RYR3: variants seen among roughly 807,000 people sequenced by gnomAD.
RYR3 encodes the protein brain ryanodine receptor-calcium release channel.
RYR3 carries 207 observed loss-of-function variants against 584.3 expected under a neutral mutation model. The observed-to-expected ratio is 0.35, with a 90% CI of 0.32 to 0.40. The LOEUF (loss-of-function observed/expected upper bound fraction) is 0.40. Among genes scored for constraint, RYR3 ranks in the 10% least tolerant of loss-of-function variants. The pLI is 1.00. For synonymous variants in RYR3, 2,416 were observed against 2,248.5 expected (o/e 1.07, Z -2.11); for missense variants, 5,616 against 6,089.2 (o/e 0.92, Z 2.59).
rs369381437 is a variant in RYR3, at chr15:33,708,566, C to T, written c.6619+1512C>T. ...ATTTTATATCTTTTCAATATATTTT[C>T]TGCACTACAATTCTATAATGCAACA... On this transcript the variant is annotated intron_variant, in intron 43 of 103. Coordinates refer to ENST00000634891, the MANE Select transcript of RYR3 (RefSeq NM_001036.6). 9.2e-5 allele frequency among the ~76,000 whole-genome samples: 14 copies of T among 152,296 alleles called. No homozygotes were observed. The East Asian group carries it at 2.5e-3, about 27-fold the overall frequency.
intron 3 of RYR3, among the ~76,000 whole-genome samples, chr15:33,528,606 CAT>C (rs2054591011): frequency 6.6e-6 from 1 of 152,176 alleles, no homozygotes; most frequent in South Asian, 2.1e-4. Context: ...CAGTATAGCA[CAT>C]AGTTAAGTGC....
chr15:33,597,680 TTAAA>T (rs1164085557), intron 16 of RYR3, among the ~76,000 whole-genome samples: 5 of 152,098 alleles, frequency 3.3e-5, no homozygotes, highest in African/African-American at 2.4e-5. Context: ...TATTTAGTCT[TTAAA>T]TAGGAACTTT....
At chr15:33,512,814 C>G (rs909209023) in intron 3 of RYR3, among the ~76,000 whole-genome samples, 2 of 152,132 alleles carry the variant, frequency 1.3e-5, no homozygotes, top group Non-Finnish European at 2.9e-5. Flanking sequence ...AAAATGTAAA[C>G]ATCTTCATGA....
intron 93 of RYR3, 63 bp from the exon 94 acceptor site, chr15:33,848,228 C>A (rs943031758): frequency 9.4e-6 from 15 of 1,598,080 alleles, no homozygotes; most frequent in African/African-American, 1.3e-5. Context: ...GTGACAAATA[C>A]CTGGGAGCAG....
intron 19 of RYR3, 75 bp downstream of exon 19, chr15:33,613,450 A>G: frequency 7.0e-7 from 1 of 1,433,980 alleles, no homozygotes; most frequent in Non-Finnish European, 9.4e-7. Context: ...CTGCGAAGCC[A>G]GCAGTCTCCT....
At chr15:33,483,851 C>T (rs563816740) in intron 2 of RYR3, among the ~76,000 whole-genome samples, 1 of 152,286 alleles carries the variant, frequency 6.6e-6, no homozygotes, top group South Asian at 2.1e-4. Context: ...TAGCCCCATA[C>T]TCAGGTCTCT....
intron 1 of RYR3, among the ~76,000 whole-genome samples, chr15:33,392,696 T>C (rs1595950150): frequency 6.6e-6 from 1 of 151,678 alleles, no homozygotes; most frequent in South Asian, 2.1e-4. Context: ...ACACAGAGAG[T>C]AGAAAATGCT....
intron 69 of RYR3, 91 bp downstream of exon 69, chr15:33,802,052 G>C (rs574414658): frequency 7.1e-6 from 6 of 841,308 alleles, no homozygotes; most frequent in Non-Finnish European, 1.3e-5. Context: ...GATTAACACC[G>C]TACTGCATTT....
chr15:33,641,429 A>G (rs1432143142), intron 27 of RYR3, among the ~76,000 whole-genome samples: 1 of 152,200 alleles, frequency 6.6e-6, no homozygotes, highest in Non-Finnish European at 1.5e-5. Flanking sequence ...TTATCATTCC[A>G]TGGTTGTTCC....
intron 1 of RYR3, among the ~76,000 whole-genome samples, chr15:33,369,719 A>G (rs150905475): frequency 6.6e-6 from 1 of 152,280 alleles, no homozygotes; most frequent in African/African-American, 2.4e-5. Context: ...TTTTTTCTGA[A>G]TATGAGACAC....
chr15:33,446,554 G>A (rs1174200154), intron 1 of RYR3, among the ~76,000 whole-genome samples: 1 of 152,202 alleles, frequency 6.6e-6, no homozygotes, highest in African/African-American at 2.4e-5. Flanking sequence ...GTCTTCACAT[G>A]GTCGGCCCTC....
chr15:33,411,506 A>G (rs766081052), intron 1 of RYR3, among the ~76,000 whole-genome samples: 4 of 152,222 alleles, frequency 2.6e-5, no homozygotes, highest in Non-Finnish European at 5.9e-5. Context: ...TTCAGATGGG[A>G]TGCACACGGT....
chr15:33,647,988 CAAAAAAAAAA>C (rs3085194), intron 30 of RYR3, among the ~76,000 whole-genome samples: 1 of 98,326 alleles, frequency 1.0e-5, no homozygotes, highest in Non-Finnish European at 2.0e-5. Flanking sequence ...TAGCATCTGG[CAAAAAAAAAA>C]AAAAAAAAAA....
At chr15:33,507,179 C>T (rs984735489) in intron 3 of RYR3, among the ~76,000 whole-genome samples, 6 of 152,180 alleles carry the variant, frequency 3.9e-5, no homozygotes, top group Admixed American at 2.6e-4. Context: ...TGTTTACTCA[C>T]GTGTTGAGTG....
chr15:33,354,880 C>T (rs1422107263), intron 1 of RYR3, among the ~76,000 whole-genome samples: 1 of 152,096 alleles, frequency 6.6e-6, no homozygotes, highest in Admixed American at 6.5e-5. Flanking sequence ...ATTCCTACAA[C>T]CAAGATCATG....
At chr15:33,796,592 T>A (rs192634798) in intron 67 of RYR3, among the ~76,000 whole-genome samples, 5 of 152,326 alleles carry the variant, frequency 3.3e-5, no homozygotes, top group Admixed American at 2.6e-4. Flanking sequence ...ATTTAAGGGT[T>A]ACAAGTACAG....
intron 30 of RYR3, 78 bp from the exon 31 acceptor site, chr15:33,648,994 T>C (rs921080539): frequency 7.0e-7 from 1 of 1,431,656 alleles, no homozygotes; most frequent in Non-Finnish European, 9.5e-7. Context: ...TGCTGTGTTA[T>C]TTCTGCCTCT....
At chr15:33,730,050 A>C (rs1203206365) in intron 47 of RYR3, among the ~76,000 whole-genome samples, 2 of 152,014 alleles carry the variant, frequency 1.3e-5, no homozygotes, top group East Asian at 3.8e-4. Context: ...TGAATAACCC[A>C]GTCTAACCCA....
intron 2 of RYR3, among the ~76,000 whole-genome samples, chr15:33,475,496 T>C (rs2142257585): frequency 6.6e-6 from 1 of 152,326 alleles, no homozygotes; most frequent in South Asian, 2.1e-4. Context: ...TTCATGCTCC[T>C]ATGAGAATCT....
Sources: allele counts gnomAD v4.1 joint callset (sites outside exome capture counted in the v4.1 genomes callset), GRCh38; gene constraint gnomAD v4.1.1; transcripts MANE v1.5; gene names NCBI Gene and HGNC (gene_info 2026-07-23, HGNC 2026-07-21).